Variants in ZNF91 observed in about 807,000 individuals in gnomAD.
ZNF91 encodes zinc finger protein 91 (HPF7, HTF10).
ZNF91 carries 7 observed loss-of-function variants against 12.6 expected under a neutral mutation model. The ratio of observed to expected loss-of-function variants is 0.55; its 90% confidence interval spans 0.31 to 1.04. The LOEUF (loss-of-function observed/expected upper bound fraction) is 1.04, where lower values mean the gene tolerates loss of function less well. ZNF91 is among the 50% of genes least tolerant of loss of function. The probability of loss-of-function intolerance (pLI) is 0.05; values close to 1 mark genes in which losing one functional copy is unlikely to be tolerated. For synonymous variants in ZNF91, 453 were observed against 462.6 expected, an observed-to-expected ratio of 0.98 and a Z score of 0.27; for missense variants, 1,217 against 1,385.4, an observed-to-expected ratio of 0.88 and a Z score of 1.93.
chr19:23,393,367 A>G (rs550451190), intron 1 of ZNF91, among the ~76,000 whole-genome samples: 15 of 152,302 alleles, frequency 9.8e-5, no homozygotes, highest in African/African-American at 3.1e-4. Flanking sequence ...AGGTTGTCCT[A>G]TGAGAGAATA....
At chr19:23,320,071 A>G (rs1445792871) in intron 1 of ZNF91, among the ~76,000 whole-genome samples, 2 of 152,186 alleles carry the variant, frequency 1.3e-5, no homozygotes, top group African/African-American at 4.8e-5. Context: ...CAATCCTTAA[A>G]ATAGTCATCC....
intron 3 of ZNF91, among the ~76,000 whole-genome samples, chr19:23,347,115 C>T (rs1050442782): frequency 1.3e-5 from 2 of 151,856 alleles, no homozygotes; most frequent in Admixed American, 6.6e-5. Context: ...ATAGTGTCAC[C>T]CCCCCTACAC....
At chr19:23,385,241 T>C in intron 1 of ZNF91, 2 of 566,410 alleles carry the variant, frequency 3.5e-6, no homozygotes, top group South Asian at 2.6e-5. Flanking sequence ...CAGCTTGATA[T>C]TGGGCCCTCA....
At chr19:23,376,764 G>T (rs988753093) in intron 1 of ZNF91, among the ~76,000 whole-genome samples, 4 of 152,120 alleles carry the variant, frequency 2.6e-5, no homozygotes, top group Non-Finnish European at 5.9e-5. Flanking sequence ...GTAAAAATTT[G>T]CAAGTACTAA....
At position 23,395,455 on chromosome 19, in the gene ZNF91, C is replaced by A; in HGVS notation, c.-101G>T. On this transcript the variant is annotated 5_prime_UTR_variant, in exon 1 of 4. Coordinates refer to ENST00000300619, the MANE Select transcript of ZNF91 (RefSeq NM_003430.4). ...CAGTGAAGTCGAGACCTGGAAACTC[C>A]GGCGGCAGCGAGAGACAAAGGCCCA... 7.0e-7 allele frequency: 1 copy of A among 1,434,492 alleles called. No homozygotes were observed. The highest frequency in any genetic ancestry group is 2.3e-5 in the East Asian group (1 of 42,940). 88.9% of individuals were successfully genotyped at this position (1,434,492 alleles called of 1,614,324 possible). A position where few individuals can be genotyped will look rare whatever the true frequency, so the allele number is the denominator to read the frequency against.
chr19:23,329,911 G>A (rs978440369), intron 1 of ZNF91, among the ~76,000 whole-genome samples: 4 of 152,140 alleles, frequency 2.6e-5, no homozygotes, highest in African/African-American at 7.2e-5. Flanking sequence ...CAACTACTCA[G>A]CGAGTGACCA....
rs1409377186 is a variant in ZNF91, at chr19:23,359,554, G to C, written c.3425C>G (p.Ala1142Gly). The C allele has an allele frequency of 1.9e-6, 3 of 1,613,906 alleles. No homozygotes were observed. Among genetic ancestry groups the C allele is most frequent in the Non-Finnish European group, 1.7e-6 (2 of 1,179,940 alleles). ...AGTAAGGATTGAAGACTGGTTAAAGGCTTTGCCACATTTTTCACATTTGTA... is the reference window on the plus strand; with the variant it reads ...AGTAAGGATTGAAGACTGGTTAAAGCCTTTGCCACATTTTTCACATTTGTA... ...KPYKCEKCGK[A>G]FNQSSILTNH... Residue 1142 changes from alanine to glycine, a missense_variant, in exon 4 of 4, where the codon GCC becomes GGC. Ala to Gly is a moderately conservative substitution (Grantham distance 60). Coordinates refer to ENST00000300619, the MANE Select transcript of ZNF91 (RefSeq NM_003430.4).
chr19:23,313,941 T>C (rs1469679822), upstream of ZNF91, among the ~76,000 whole-genome samples: 1 of 152,172 alleles, frequency 6.6e-6, no homozygotes, highest in African/African-American at 2.4e-5. Flanking sequence ...GGGACACGTG[T>C]AGGATCTTTA....
downstream of ZNF91, among the ~76,000 whole-genome samples, chr19:23,334,448 A>C (rs181994652): frequency 1.9e-4 from 29 of 152,344 alleles, no homozygotes; most frequent in East Asian, 4.6e-3. Context: ...CGTGCAGTGC[A>C]AACTTGTAAT....
intron 1 of ZNF91, among the ~76,000 whole-genome samples, chr19:23,315,744 C>G (rs973003388): frequency 6.6e-6 from 1 of 152,120 alleles, no homozygotes; most frequent in Admixed American, 6.5e-5. Context: ...TTTTTTCTAG[C>G]CCTACCTACC....
chr19:23,324,618 C>G (rs1033860159), intron 1 of ZNF91: 26 of 151,602 alleles, frequency 1.7e-4, no homozygotes, highest in African/African-American at 6.0e-4. Flanking sequence ...GAGAAATAAT[C>G]TTGCTCTGTC....
intron 1 of ZNF91, among the ~76,000 whole-genome samples, chr19:23,376,116 T>C (rs1969496568): frequency 6.6e-6 from 1 of 152,196 alleles, no homozygotes; most frequent in African/African-American, 2.4e-5. Flanking sequence ...AGCACTTTCT[T>C]AATCCTGTAA....
At chr19:23,371,887 C>T (rs777216634) in intron 3 of ZNF91, among the ~76,000 whole-genome samples, 4 of 152,038 alleles carry the variant, frequency 2.6e-5, no homozygotes, top group African/African-American at 9.7e-5. Flanking sequence ...TAAATATGTG[C>T]TATTTTTACA....
intron 3 of ZNF91, among the ~76,000 whole-genome samples, chr19:23,343,675 G>A (rs1271288194): frequency 6.6e-6 from 1 of 151,828 alleles, no homozygotes; most frequent in Non-Finnish European, 1.5e-5. Flanking sequence ...AGGTAGACAG[G>A]AGGGGAAGAG....
chr19:23,373,428 C>T (rs1279280021), intron 3 of ZNF91, among the ~76,000 whole-genome samples: 1 of 147,114 alleles, frequency 6.8e-6, no homozygotes, highest in Non-Finnish European at 1.5e-5. Flanking sequence ...AATGAATACA[C>T]TCAGTTAATT....
chr19:23,372,719 T>C (rs1486615808), intron 3 of ZNF91, among the ~76,000 whole-genome samples: 2 of 152,232 alleles, frequency 1.3e-5, no homozygotes, highest in South Asian at 2.1e-4. Flanking sequence ...GCAGCAGGCC[T>C]GCAGACTTTG....
At chr19:23,337,278 CATTTG>C (rs1260551436), downstream of ZNF91, among the ~76,000 whole-genome samples, 1 of 151,682 alleles carries the variant, frequency 6.6e-6, no homozygotes, top group Non-Finnish European at 1.5e-5. Context: ...GCCAATAAAA[CATTTG>C]TTTTATATAT....
At chr19:23,321,846 T>C (rs1967703253) in intron 1 of ZNF91, among the ~76,000 whole-genome samples, 1 of 152,140 alleles carries the variant, frequency 6.6e-6, no homozygotes. Context: ...CTGGGCCACG[T>C]CCATAGATGA....
intron 1 of ZNF91, among the ~76,000 whole-genome samples, chr19:23,389,977 A>T (rs1970006238): frequency 6.6e-6 from 1 of 152,206 alleles, no homozygotes; most frequent in South Asian, 2.1e-4. Flanking sequence ...AGCTACTCAC[A>T]GAACTCAGCG....
Sources: gnomAD v4.1 joint callset for allele counts (sites outside exome capture counted in the v4.1 genomes callset) on GRCh38, gnomAD v4.1.1 for gene constraint, MANE v1.5 for transcripts, NCBI Gene and HGNC (gene_info 2026-07-23, HGNC 2026-07-21) for gene names.